Variants in AKT3 observed in about 807,000 individuals in gnomAD.
AKT3 encodes the protein RAC-gamma serine/threonine-protein kinase.
In AKT3, 15 loss-of-function variants were observed where a neutral mutation model predicts 65.3. The ratio of observed to expected loss-of-function variants is 0.23; its 90% CI spans 0.15 to 0.35. AKT3 has a LOEUF of 0.35. AKT3 is among the 10% of genes least tolerant of loss of function. The pLI is 1.00. For synonymous variants in AKT3, 206 were observed against 183.8 expected (o/e 1.12, Z -0.98); for missense variants, 243 against 576.5 (o/e 0.42, Z 5.92).
At chr1:243,804,079 C>T (rs1246110910) in intron 2 of AKT3, among the ~76,000 whole-genome samples, 4 of 152,208 alleles carry the variant, frequency 2.6e-5, no homozygotes, top group Admixed American at 6.5e-5. Flanking sequence ...TCTAGATCCA[C>T]GCATGCCTGA....
At chr1:243,766,376 C>T (rs965874274) in intron 2 of AKT3, among the ~76,000 whole-genome samples, 4 of 152,016 alleles carry the variant, frequency 2.6e-5, no homozygotes, top group Non-Finnish European at 4.4e-5. Flanking sequence ...GCAATTAGTC[C>T]TATGATGGAA....
At chr1:243,727,112 A>G (rs1379609344) in intron 2 of AKT3, among the ~76,000 whole-genome samples, 1 of 152,238 alleles carries the variant, frequency 6.6e-6, no homozygotes, top group Non-Finnish European at 1.5e-5. Context: ...AACATTTAAA[A>G]GGAGCCTAAC....
intron 10 of AKT3, among the ~76,000 whole-genome samples, chr1:243,562,306 G>T (rs1389223489): frequency 1.3e-5 from 2 of 152,146 alleles, no homozygotes; most frequent in Non-Finnish European, 2.9e-5. Flanking sequence ...CAGATCAGTG[G>T]TTGCCTGTGG....
At chr1:243,506,834 A>T (rs1669700856) in intron 13 of AKT3, among the ~76,000 whole-genome samples, 1 of 152,210 alleles carries the variant, frequency 6.6e-6, no homozygotes, top group Admixed American at 6.5e-5. Flanking sequence ...CTCCTTATAA[A>T]GTTATTGGTT....
chr1:243,539,039 G>A (rs1272566308), intron 12 of AKT3, among the ~76,000 whole-genome samples: 5 of 152,072 alleles, frequency 3.3e-5, no homozygotes, highest in Non-Finnish European at 7.4e-5. Context: ...GAATATAGAA[G>A]ACATAAACAA....
At chr1:243,623,887 TCAC>T (rs920518282) in intron 6 of AKT3, among the ~76,000 whole-genome samples, 15 of 152,228 alleles carry the variant, frequency 9.9e-5, no homozygotes, top group Non-Finnish European at 1.5e-4. Flanking sequence ...ATCCTTGATT[TCAC>T]CACATCATCC....
At chr1:243,591,399 A>T (rs1189929620) in intron 8 of AKT3, among the ~76,000 whole-genome samples, 1 of 152,258 alleles carries the variant, frequency 6.6e-6, no homozygotes, top group Non-Finnish European at 1.5e-5. Flanking sequence ...TAAGCTTAAA[A>T]GCAAGCACTG....
intron 2 of AKT3, among the ~76,000 whole-genome samples, chr1:243,825,633 C>T (rs1694121983): frequency 6.6e-6 from 1 of 152,052 alleles, no homozygotes; most frequent in South Asian, 2.1e-4. Context: ...TGTGACTATC[C>T]GTTTCATTGC....
intron 2 of AKT3, among the ~76,000 whole-genome samples, chr1:243,755,126 T>C (rs990860053): frequency 3.9e-5 from 6 of 152,168 alleles, no homozygotes; most frequent in Admixed American, 1.3e-4. Context: ...TGGAGTGCAG[T>C]GGCACAATCT....
chr1:243,724,194 CCAAA>C (rs945637609), intron 2 of AKT3, among the ~76,000 whole-genome samples: 2 of 149,928 alleles, frequency 1.3e-5, no homozygotes, highest in Non-Finnish European at 3.0e-5. Flanking sequence ...AAAGTTAACA[CCAAA>C]CAAACAAGAT....
At chr1:243,702,252 C>G (rs1685517632) in intron 2 of AKT3, among the ~76,000 whole-genome samples, 1 of 152,048 alleles carries the variant, frequency 6.6e-6, no homozygotes, top group Non-Finnish European at 1.5e-5. Context: ...AATACGAGGT[C>G]AACAAACTTC....
chr1:243,642,107 A>G, intron 5 of AKT3, among the ~76,000 whole-genome samples: 1 of 152,234 alleles, frequency 6.6e-6, no homozygotes, highest in Admixed American at 6.5e-5. Flanking sequence ...AAAGCACTGT[A>G]TGTGATAAAA....
At chr1:243,834,723 T>A (rs1434405624) in intron 2 of AKT3, among the ~76,000 whole-genome samples, 1 of 151,644 alleles carries the variant, frequency 6.6e-6, no homozygotes, top group Non-Finnish European at 1.5e-5. Context: ...TAATGTATTC[T>A]GGAAACTAAA....
chr1:243,722,801 A>G (rs1466220968), intron 2 of AKT3, among the ~76,000 whole-genome samples: 1 of 152,204 alleles, frequency 6.6e-6, no homozygotes, highest in Non-Finnish European at 1.5e-5. Context: ...AGCAATGTAA[A>G]AACAACTATC....
At chr1:243,689,062 A>G (rs1452571531) in intron 3 of AKT3, among the ~76,000 whole-genome samples, 1 of 152,062 alleles carries the variant, frequency 6.6e-6, no homozygotes, top group African/African-American at 2.4e-5. Flanking sequence ...GCTTCTCTCA[A>G]CTTCTACAGC....
At chr1:243,663,066 A>G (rs1682492233) in intron 4 of AKT3, among the ~76,000 whole-genome samples, 1 of 152,238 alleles carries the variant, frequency 6.6e-6, no homozygotes. Flanking sequence ...AGTACCATTC[A>G]TCCAGCCAGT....
chr1:243,514,345 T>C (rs142310025), intron 12 of AKT3, among the ~76,000 whole-genome samples: 4 of 152,300 alleles, frequency 2.6e-5, no homozygotes, highest in Middle Eastern at 3.4e-3. Flanking sequence ...AACTGAAACC[T>C]ATCTTAACAC....
chr1:243,782,504 G>A (rs1327981854), intron 2 of AKT3, among the ~76,000 whole-genome samples: 3 of 152,052 alleles, frequency 2.0e-5, no homozygotes, highest in Non-Finnish European at 4.4e-5. Context: ...CATTTATGCA[G>A]GCAGAGCCCT....
intron 2 of AKT3, among the ~76,000 whole-genome samples, chr1:243,839,847 G>A (rs1223057702): frequency 6.7e-5 from 10 of 150,038 alleles, no homozygotes; most frequent in African/African-American, 2.0e-4. Flanking sequence ...TTGATGAGAC[G>A]GAGAACATGA....
Sources: gnomAD v4.1 joint callset for allele counts (sites outside exome capture counted in the v4.1 genomes callset) on GRCh38, gnomAD v4.1.1 for gene constraint, MANE v1.5 for transcripts, NCBI Gene and HGNC (gene_info 2026-07-23, HGNC 2026-07-21) for gene names.